The following CPE variants were observed in gnomAD, a reference collection of about 807,000 sequenced individuals.
CPE encodes carboxypeptidase E.
Under a neutral mutation model 53.5 loss-of-function variants are expected in CPE, and 17 were observed. That is an observed-to-expected ratio of 0.32 (90% confidence interval 0.22 to 0.48). The LOEUF is 0.48. CPE is among the 20% of genes least tolerant of loss of function. CPE has a pLI of 0.99. For missense variants in CPE, 524 were observed against 614.7 expected (o/e 0.85, Z 1.56); for synonymous variants, 226 against 228.8 (o/e 0.99, Z 0.11).
intron 3 of CPE, among the ~76,000 whole-genome samples, chr4:165,470,096 G>T (rs1732179034): frequency 6.6e-6 from 1 of 152,178 alleles, no homozygotes; most frequent in Non-Finnish European, 1.5e-5. Context: ...CGACCAAGAG[G>T]CATAAGGCAG....
At chr4:165,382,808 A>G (rs1384323520) in intron 1 of CPE, among the ~76,000 whole-genome samples, 1 of 152,188 alleles carries the variant, frequency 6.6e-6, no homozygotes, top group Non-Finnish European at 1.5e-5. Context: ...AGTTGAGGTT[A>G]TCTCCTGAAA....
At chr4:165,460,022 C>T (rs7654831) in intron 1 of CPE, among the ~76,000 whole-genome samples, 27,853 of 151,822 alleles carry the variant, frequency 0.18, 2,907 homozygotes, top group East Asian at 0.34. Context: ...CCGCTTTCCC[C>T]GCTCCCCCAC....
At position 165,479,640 on chromosome 4, in the gene CPE, C is replaced by T. The variant is rs146053900; in HGVS notation, c.673-2602C>T. Among the ~76,000 whole-genome samples, 31 of 152,250 alleles carry T rather than the reference C, an allele frequency of 2.0e-4. No individual in the cohort carries two copies. The East Asian group carries it at 5.6e-3, about 27-fold the overall frequency. ...TATTTTAATTACAAAATTTGAAAGG[C>T]ACATGACACACTTAGAAAATATTTA... On this transcript the variant is annotated intron_variant, in intron 3 of 8. Transcript: ENST00000402744.
chr4:165,411,706 C>A (rs2126668078), intron 1 of CPE, among the ~76,000 whole-genome samples: 1 of 152,240 alleles, frequency 6.6e-6, no homozygotes, highest in African/African-American at 2.4e-5. Context: ...ACATGGCAAA[C>A]AGATCTGGTT....
intron 1 of CPE, among the ~76,000 whole-genome samples, chr4:165,456,150 G>A (rs1731898142): frequency 6.6e-6 from 1 of 152,172 alleles, no homozygotes; most frequent in Non-Finnish European, 1.5e-5. Context: ...ACTATAGAGA[G>A]AGCAGAAGGA....
At chr4:165,391,001 G>A (rs1730670562) in intron 1 of CPE, among the ~76,000 whole-genome samples, 1 of 151,996 alleles carries the variant, frequency 6.6e-6, no homozygotes, top group East Asian at 1.9e-4. Context: ...GAGAGTGAGG[G>A]CACCTTATGC....
At chr4:165,472,332 G>A (rs1226778449) in intron 3 of CPE, among the ~76,000 whole-genome samples, 4 of 152,120 alleles carry the variant, frequency 2.6e-5, no homozygotes, top group African/African-American at 9.7e-5. Context: ...GATTATAAAG[G>A]CCACCTTTTA....
chr4:165,460,663 A>G (rs549081920), intron 1 of CPE, among the ~76,000 whole-genome samples: 1 of 152,282 alleles, frequency 6.6e-6, no homozygotes, highest in Admixed American at 6.5e-5. Flanking sequence ...CTCTGTCTCA[A>G]GGGCAAGCTC....
chr4:165,472,336 C>T (rs925180146), intron 3 of CPE, among the ~76,000 whole-genome samples: 1 of 152,228 alleles, frequency 6.6e-6, no homozygotes, highest in Non-Finnish European at 1.5e-5. Context: ...ATAAAGGCCA[C>T]CTTTTAAAGA....
intron 1 of CPE, among the ~76,000 whole-genome samples, chr4:165,388,416 A>G (rs1185878502): frequency 1.3e-5 from 2 of 152,226 alleles, no homozygotes; most frequent in African/African-American, 2.4e-5. Context: ...CCTTTTTTAA[A>G]TAGAACTAAT....
At chr4:165,449,764 G>A (rs1398250160) in intron 1 of CPE, among the ~76,000 whole-genome samples, 1 of 151,344 alleles carries the variant, frequency 6.6e-6, no homozygotes, top group African/African-American at 2.4e-5. Context: ...TTCTGGGTTT[G>A]GGGCACATTG....
chr4:165,454,189 G>A (rs1397161281), intron 1 of CPE, among the ~76,000 whole-genome samples: 1 of 152,196 alleles, frequency 6.6e-6, no homozygotes, highest in Admixed American at 6.5e-5. Context: ...CATATGGAGA[G>A]TGATTATCTG....
chr4:165,475,429 A>G (rs1579278645), intron 3 of CPE, among the ~76,000 whole-genome samples: 1 of 152,206 alleles, frequency 6.6e-6, no homozygotes, highest in African/African-American at 2.4e-5. Flanking sequence ...ACCTCAGGGG[A>G]TATTTGCAAG....
At chr4:165,437,779 G>C (rs1731534833) in intron 1 of CPE, among the ~76,000 whole-genome samples, 1 of 152,160 alleles carries the variant, frequency 6.6e-6, no homozygotes, top group Non-Finnish European at 1.5e-5. Context: ...GTGTTCTAGA[G>C]GAGCTAACAT....
chr4:165,425,650 A>G (rs1402494486), intron 1 of CPE, among the ~76,000 whole-genome samples: 2 of 120,930 alleles, frequency 1.7e-5, no homozygotes, highest in African/African-American at 7.0e-5. Context: ...TTAAAAGCAA[A>G]TATTTCCTCA....
At chr4:165,393,559 G>A (rs1358319544) in intron 1 of CPE, among the ~76,000 whole-genome samples, 1 of 152,120 alleles carries the variant, frequency 6.6e-6, no homozygotes, top group Non-Finnish European at 1.5e-5. Flanking sequence ...ACCTGCCCAA[G>A]GTTTTGAAGC....
intron 1 of CPE, among the ~76,000 whole-genome samples, chr4:165,410,682 A>G (rs1731027536): frequency 6.6e-6 from 1 of 152,252 alleles, no homozygotes; most frequent in African/African-American, 2.4e-5. Flanking sequence ...AGGTAGAATA[A>G]TGTATTAGAA....
intron 3 of CPE, among the ~76,000 whole-genome samples, chr4:165,468,101 A>G (rs1732140818): frequency 6.6e-6 from 1 of 152,100 alleles, no homozygotes; most frequent in African/African-American, 2.4e-5. Flanking sequence ...GGTTTCTTAG[A>G]AAATCACCAT....
At chr4:165,387,924 C>T (rs940516040) in intron 1 of CPE, among the ~76,000 whole-genome samples, 10 of 152,044 alleles carry the variant, frequency 6.6e-5, no homozygotes, top group African/African-American at 9.7e-5. Context: ...GCCCAGCCCC[C>T]CAAAATTTCT....
Sources: allele counts gnomAD v4.1 joint callset (sites outside exome capture counted in the v4.1 genomes callset), GRCh38; gene constraint gnomAD v4.1.1; transcripts MANE v1.5; gene names NCBI Gene and HGNC (gene_info 2026-07-23, HGNC 2026-07-21).